Variants in CCDC85A observed in about 807,000 individuals in gnomAD.
CCDC85A encodes the protein coiled-coil domain-containing protein 85A.
In CCDC85A, 38 loss-of-function variants were observed where a neutral mutation model predicts 50.2. The observed-to-expected ratio is 0.76, with a 90% CI of 0.58 to 0.99. CCDC85A has a LOEUF of 0.99. Among genes scored for constraint, CCDC85A ranks in the 50% least tolerant of loss-of-function variants. CCDC85A has a pLI of 0.00. For missense variants in CCDC85A, 820 were observed against 742.0 expected, an observed-to-expected ratio of 1.11 and a Z score of -1.22; for synonymous variants, 366 against 301.4, an observed-to-expected ratio of 1.21 and a Z score of -2.22.
At chr2:56,199,881 T>A (rs1387711292) in intron 2 of CCDC85A, among the ~76,000 whole-genome samples, 1 of 152,244 alleles carries the variant, frequency 6.6e-6, no homozygotes, top group African/African-American at 2.4e-5. Flanking sequence ...TATTTTTATT[T>A]TTATTTGAGA....
At chr2:56,194,631 A>C (rs1190354011) in intron 2 of CCDC85A, among the ~76,000 whole-genome samples, 1 of 152,206 alleles carries the variant, frequency 6.6e-6, no homozygotes, top group Non-Finnish European at 1.5e-5. Flanking sequence ...TCCTTTTCTC[A>C]TAGTGCTGAA....
chr2:56,288,061 CT>C (rs765835864), intron 2 of CCDC85A, among the ~76,000 whole-genome samples: 7 of 152,146 alleles, frequency 4.6e-5, no homozygotes, highest in Non-Finnish European at 8.8e-5. Context: ...AGCTTCACCC[CT>C]GAACCCATAT....
chr2:56,208,242 C>G (rs867409753), intron 2 of CCDC85A, among the ~76,000 whole-genome samples: 1 of 151,654 alleles, frequency 6.6e-6, no homozygotes, highest in African/African-American at 2.4e-5. Flanking sequence ...TTCTTAAGGA[C>G]TGGTTTTTAC....
At chr2:56,350,915 A>G (rs1336663256) in intron 3 of CCDC85A, among the ~76,000 whole-genome samples, 4 of 149,052 alleles carry the variant, frequency 2.7e-5, no homozygotes, top group Non-Finnish European at 4.5e-5. Flanking sequence ...GGTTAGTTAC[A>G]TATGTATACA....
Position 56,296,476 on chromosome 2 carries a change from C to T in CCDC85A, c.1241-46403C>T, listed in dbSNP as rs549231601. ...CCTGCAGAAGGAGCAGGCAGCTGAA[C>T]CGTCACCAGGCGCCCTATTATTTTT... On this transcript the variant is annotated intron_variant, in intron 2 of 5. Transcript: ENST00000407595. Among the ~76,000 whole-genome samples the T allele has an allele frequency of 1.5e-4, 23 of 152,288 alleles. No homozygotes were observed. In the East Asian group the frequency reaches 4.1e-3, roughly 27 times the overall value.
chr2:56,254,423 A>G (rs1280411756), intron 2 of CCDC85A, among the ~76,000 whole-genome samples: 1 of 152,160 alleles, frequency 6.6e-6, no homozygotes, highest in Non-Finnish European at 1.5e-5. Context: ...ATTTATTCCT[A>G]TATCAGTCAT....
At chr2:56,246,016 C>T (rs931443482) in intron 2 of CCDC85A, among the ~76,000 whole-genome samples, 5 of 152,218 alleles carry the variant, frequency 3.3e-5, no homozygotes, top group African/African-American at 7.2e-5. Flanking sequence ...CCTCCACCTC[C>T]TGGGTTCAAG....
chr2:56,261,713 T>C (rs1393163627), intron 2 of CCDC85A, among the ~76,000 whole-genome samples: 2 of 152,204 alleles, frequency 1.3e-5, no homozygotes, highest in East Asian at 3.9e-4. Flanking sequence ...TGCTAGTGAC[T>C]TGAAGATGCA....
At chr2:56,381,457 A>G (rs1676581883) in intron 5 of CCDC85A, among the ~76,000 whole-genome samples, 1 of 152,126 alleles carries the variant, frequency 6.6e-6, no homozygotes, top group South Asian at 2.1e-4. Flanking sequence ...GACCTCCTTC[A>G]TAATTCGGAT....
In CCDC85A at chr2:56,384,099, G is replaced by A. The variant is rs13427586; in HGVS notation, c.1573-167G>A. Among the ~76,000 whole-genome samples, 6,004 of 151,792 alleles carry A rather than the reference G, an allele frequency of 0.04. 370 individuals are homozygous for A. Among genetic ancestry groups the A allele is most frequent in the African/African-American group, 0.14 (5,609 of 41,410 alleles). On this transcript the variant is annotated intron_variant, in intron 5 of 5. Transcript: ENST00000407595. ...ACTACTAAGTAGTTCTTGTGTTTTA[G>A]GAAGCTTGTCATCACATTTTATTTT...
At position 56,184,361 on chromosome 2, in the gene CCDC85A, A is replaced by T. The variant is rs2103794709; in HGVS notation, c.-264A>T. On this transcript the variant is annotated 5_prime_UTR_variant, in exon 1 of 6. Transcript: ENST00000407595. ...GGCTCCCCAGTGCCCCTCACCATGG[A>T]CTTGCGCGGAGTTGGGACGGGCCTC... 2.0e-6 allele frequency: 1 copy of T among 489,244 alleles called. No homozygotes were observed. The highest frequency in any genetic ancestry group is 5.1e-5 in the East Asian group (1 of 19,608). The allele number at this position is 489,244 out of a possible 1,614,324, so 30.3% of individuals were successfully genotyped here. A position where few individuals can be genotyped will look rare whatever the true frequency, so the allele number is the denominator to read the frequency against.
At chr2:56,198,479 G>A (rs1676613373) in intron 2 of CCDC85A, among the ~76,000 whole-genome samples, 2 of 152,168 alleles carry the variant, frequency 1.3e-5, no homozygotes, top group East Asian at 1.9e-4. Context: ...TGCACACTTT[G>A]ATAAGACATC....
At chr2:56,350,162 T>C (rs56140649) in intron 3 of CCDC85A, among the ~76,000 whole-genome samples, 29,200 of 145,760 alleles carry the variant, frequency 0.2, 3,045 homozygotes, top group Admixed American at 0.26. Flanking sequence ...CCTTTTTTTT[T>C]TCTTCTCTTA....
At chr2:56,226,598 C>T (rs1192797221) in intron 2 of CCDC85A, among the ~76,000 whole-genome samples, 1 of 151,922 alleles carries the variant, frequency 6.6e-6, no homozygotes, top group Admixed American at 6.6e-5. Context: ...CCAATTCCTG[C>T]GTTTTAGCTT....
At chr2:56,270,520 A>G (rs547545868) in intron 2 of CCDC85A, among the ~76,000 whole-genome samples, 5 of 152,338 alleles carry the variant, frequency 3.3e-5, no homozygotes, top group Admixed American at 2.6e-4. Flanking sequence ...TATCTGCTAT[A>G]TTATGTAAAT....
chr2:56,351,995 T>C (rs533518549), intron 3 of CCDC85A, among the ~76,000 whole-genome samples: 67 of 152,330 alleles, frequency 4.4e-4, no homozygotes, highest in African/African-American at 1.5e-3. Flanking sequence ...GGTCTAAGGT[T>C]TAAGTCTTTA....
Position 56,349,803 on chromosome 2 carries a change from TTAA to T in CCDC85A, c.1317+6853_1317+6855del, listed in dbSNP as rs1435114659. Among the ~76,000 whole-genome samples, 9 of 152,324 alleles carry T rather than the reference TTAA, an allele frequency of 5.9e-5. No individual in the cohort carries two copies. In the East Asian group the frequency reaches 1.5e-3, roughly 26 times the overall value. ...GCCTTTTTATATCTACACTGGTATA[TTAA>T]TAATTCTATCTTTGAATGAAGGTAC... On this transcript the variant is annotated intron_variant, in intron 3 of 5. Transcript: ENST00000407595.
In CCDC85A at chr2:56,372,364, A is replaced by G. The variant is rs1194024058; in HGVS notation, c.1338A>G (p.Gln446=). 4 of 1,585,472 alleles carry G rather than the reference A, an allele frequency of 2.5e-6. No homozygotes were observed. Among genetic ancestry groups the G allele is most frequent in the East Asian group, 4.6e-5 (2 of 43,576 alleles). Residue 446 remains glutamine (Q), a synonymous_variant, in exon 4 of 6, where the codon CAA becomes CAG. Transcript: ENST00000407595. ...ATAAGGCCAGCCAGAATAGAAGGCA[A>G]CCTCCAACTAGAAACAGCTCAAATA... ...MLPQASQNRR[Q]PPTRNSSNME...
rs1675884269 is a variant in CCDC85A, at chr2:56,184,147, C to T, written c.-478C>T. 5 of 985,848 alleles carry T rather than the reference C, an allele frequency of 5.1e-6. No homozygotes were observed. Among genetic ancestry groups the T allele is most frequent in the Middle Eastern group, 5.2e-4 (1 of 1,916 alleles). 61.1% of individuals were successfully genotyped at this position (985,848 alleles called of 1,614,324 possible). A position where few individuals can be genotyped will look rare whatever the true frequency, so the allele number is the denominator to read the frequency against. ...GGCGCCGCGGTGCCCGGCGCGCCCTCCAAGCTAGGAGAGGGGAGAAGCCGG... is the reference window on the plus strand; with the variant it reads ...GGCGCCGCGGTGCCCGGCGCGCCCTTCAAGCTAGGAGAGGGGAGAAGCCGG... On this transcript the variant is annotated 5_prime_UTR_variant, in exon 1 of 6. Transcript: ENST00000407595.
Sources: gnomAD v4.1 joint callset for allele counts (sites outside exome capture counted in the v4.1 genomes callset) on GRCh38, gnomAD v4.1.1 for gene constraint, MANE v1.5 for transcripts, NCBI Gene and HGNC (gene_info 2026-07-23, HGNC 2026-07-21) for gene names.